Variants in STOX2 observed in about 807,000 individuals in gnomAD.
The protein encoded by STOX2 is storkhead box 2, also known as storkhead-box protein 2.
In STOX2, 28 loss-of-function variants were observed where a neutral mutation model predicts 60.9. That is an observed-to-expected ratio of 0.46 (90% CI 0.34 to 0.63). The LOEUF (loss-of-function observed/expected upper bound fraction) is 0.63. STOX2 is among the 30% of genes least tolerant of loss of function. STOX2 has a pLI of 0.01. For missense variants in STOX2, 1,024 were observed against 1,187.7 expected, an observed-to-expected ratio of 0.86 and a Z score of 2.03; for synonymous variants, 472 against 463.9, an observed-to-expected ratio of 1.02 and a Z score of -0.22.
intron 1 of STOX2, among the ~76,000 whole-genome samples, chr4:183,910,827 G>T (rs1044695172): frequency 5.3e-5 from 8 of 152,214 alleles, no homozygotes; most frequent in African/African-American, 1.9e-4. Flanking sequence ...AGTTTTGTCT[G>T]CTGGGGAAGA....
chr4:183,876,873 T>A (rs13134353), intron 1 of STOX2, among the ~76,000 whole-genome samples: 1 of 151,972 alleles, frequency 6.6e-6, no homozygotes, highest in South Asian at 2.1e-4. Context: ...CCATTGTGAG[T>A]GCGAATGGAG....
At chr4:183,948,603 C>T (rs1164975464) in intron 1 of STOX2, among the ~76,000 whole-genome samples, 4 of 118,878 alleles carry the variant, frequency 3.4e-5, no homozygotes, top group African/African-American at 1.2e-4. Flanking sequence ...GCGATCTTGG[C>T]TCACTGCAAC....
intron 1 of STOX2, among the ~76,000 whole-genome samples, chr4:183,895,310 G>T (rs1204801334): frequency 1.3e-5 from 2 of 152,142 alleles, no homozygotes; most frequent in Non-Finnish European, 2.9e-5. Context: ...GGATATGAGG[G>T]ACATGAAGTA....
intron 1 of STOX2, among the ~76,000 whole-genome samples, chr4:183,810,274 G>GTATC (rs1187566480): frequency 1.3e-5 from 2 of 152,164 alleles, no homozygotes; most frequent in Non-Finnish European, 2.9e-5. Flanking sequence ...CCTTCATTGT[G>GTATC]TATCTGGACC....
intron 1 of STOX2, among the ~76,000 whole-genome samples, chr4:183,994,855 T>C (rs976333910): frequency 3.3e-5 from 5 of 151,936 alleles, no homozygotes; most frequent in African/African-American, 1.2e-4. Flanking sequence ...ACCCAGAGAA[T>C]AGATTACATT....
intron 1 of STOX2, among the ~76,000 whole-genome samples, chr4:183,975,696 A>G (rs1403990763): frequency 1.3e-5 from 2 of 152,192 alleles, no homozygotes; most frequent in African/African-American, 2.4e-5. Context: ...AACCTAAAAA[A>G]CTACAGGTTT....
chr4:183,858,334 G>T (rs1740351100), intron 1 of STOX2, among the ~76,000 whole-genome samples: 1 of 152,246 alleles, frequency 6.6e-6, no homozygotes, highest in African/African-American at 2.4e-5. Flanking sequence ...GCAAGCCTGG[G>T]AGTCCCACTA....
chr4:183,845,824 A>G (rs1739971420), intron 1 of STOX2, among the ~76,000 whole-genome samples: 2 of 152,376 alleles, frequency 1.3e-5, no homozygotes, highest in East Asian at 1.9e-4. Context: ...TAAATCTTAC[A>G]GAAAAAAGGA....
intron 1 of STOX2, among the ~76,000 whole-genome samples, chr4:183,835,068 A>G (rs994887946): frequency 4.6e-5 from 7 of 151,966 alleles, no homozygotes; most frequent in African/African-American, 1.7e-4. Context: ...CATAGGTGAG[A>G]TTGAATTCTA....
chr4:184,011,107 T>A lies in STOX2; in HGVS notation c.2269T>A (p.Ser757Thr). 6.3e-7 allele frequency: 1 copy of A among 1,590,702 alleles called. No homozygotes were observed. The highest frequency in any genetic ancestry group is 8.5e-7 in the Non-Finnish European group (1 of 1,169,946). ...GTSAAQAMPASQRQQESGGNQ... is the reference protein window; with the variant it reads ...GTSAAQAMPATQRQQESGGNQ... ...CTCGGCGGCACAAGCCATGCCTGCT[T>A]CCCAGCGTCAGCAGGAGTCAGGAGG... Residue 757 changes from serine (S) to threonine (T), a missense_variant, in exon 3 of 4, where the codon TCC (serine) becomes ACC (threonine). This residue lies in a region of STOX2 where 922 missense variants were observed against 1,058.3 expected (regional missense o/e 0.87). Transcript: ENST00000308497. The surrounding 1 kb of genome is among the most constrained non-coding windows in gnomAD (Gnocchi z 4.4).
chr4:183,854,448 G>A (rs1289185483), intron 1 of STOX2, among the ~76,000 whole-genome samples: 1 of 152,114 alleles, frequency 6.6e-6, no homozygotes, highest in African/African-American at 2.4e-5. Context: ...TTTAATCAGG[G>A]CTTATATTTG....
chr4:183,831,065 C>T (rs545704742), intron 1 of STOX2, among the ~76,000 whole-genome samples: 5 of 151,536 alleles, frequency 3.3e-5, no homozygotes, highest in African/African-American at 1.2e-4. Context: ...GACCGAACTC[C>T]GGGCCTGAGC....
In STOX2 at chr4:184,010,286, G is replaced by A. The variant is rs751894934; in HGVS notation, c.1448G>A (p.Arg483Lys). 1.3e-6 allele frequency: 2 copies of A among 1,590,196 alleles called. No individual in the cohort carries two copies. The highest frequency in any genetic ancestry group is 1.7e-6 in the Non-Finnish European group (2 of 1,168,362). The change falls in exon 3 of 4, where the codon AGA becomes AAA. Residue 483 changes from arginine to lysine, a missense_variant. By Grantham distance (26) the Arg-to-Lys change is conservative. Around this residue, in one of 3 missense-constraint regions of STOX2, gnomAD observed 922 missense variants for 1,058.3 expected, o/e 0.87. Transcript: ENST00000308497. The surrounding 1 kb of genome is among the most constrained non-coding windows in gnomAD (Gnocchi z 4.5). ...CAGGACCGGAGGTCCAGGAATGAGA[G>A]ATCCAACAAAGCCAAGGAGAGATCC... ...HTQDRRSRNE[R>K]SNKAKERSRS...
Position 184,017,161 on chromosome 4 carries a change from C to T in STOX2, c.2658C>T (p.Ser886=), listed in dbSNP as rs1379253761. Reference sequence around the variant, plus strand: ...ACCGTCGTCAGAACCCCGCTTTGAGCCCGGCCCATGGTGGAGCTGGTCCAG... The same window carrying T: ...ACCGTCGTCAGAACCCCGCTTTGAGTCCGGCCCATGGTGGAGCTGGTCCAG... The part of the protein sequence containing the change: ...ESNRRQNPAL[S]PAHGGAGPAF... The change falls in exon 4 of 4, where the codon AGC becomes AGT. Residue 886 remains serine (S), a synonymous_variant. Transcript: ENST00000308497. 1 of 1,613,742 alleles carries T rather than the reference C, an allele frequency of 6.2e-7. No homozygotes were observed. Among genetic ancestry groups the T allele is most frequent in the Admixed American group, 1.7e-5 (1 of 60,016 alleles).
At chr4:184,004,215 T>C (rs1265087804) in intron 2 of STOX2, among the ~76,000 whole-genome samples, 2 of 152,234 alleles carry the variant, frequency 1.3e-5, no homozygotes, top group African/African-American at 2.4e-5. Context: ...ATGTATATTT[T>C]ATAAATCAAA....
Position 184,019,640 on chromosome 4 carries a change from A to G in STOX2, c.*2356A>G, listed in dbSNP as rs1340279324. The G allele has an allele frequency of 6.6e-6, 1 of 152,246 alleles. No individual in the cohort carries two copies. The highest frequency in any genetic ancestry group is 1.5e-5 in the Non-Finnish European group (1 of 68,044). The allele number at this position is 152,246 out of a possible 1,614,324, so 9.4% of individuals were successfully genotyped here. A position where few individuals can be genotyped will look rare whatever the true frequency, so the allele number is the denominator to read the frequency against. ...GAAGACATTATTCAAATAAATATGT[A>G]CACTATTTGCCTGATGCTATGGGGT... On this transcript the variant is annotated 3_prime_UTR_variant, in exon 4 of 4. Coordinates refer to ENST00000308497, the MANE Select transcript of STOX2 (RefSeq NM_020225.3).
chr4:183,886,875 G>C (rs968515851), intron 1 of STOX2, among the ~76,000 whole-genome samples: 2 of 152,052 alleles, frequency 1.3e-5, no homozygotes, highest in African/African-American at 2.4e-5. Flanking sequence ...TTCTACACAC[G>C]AAGAATAATG....
chr4:183,895,312 C>T (rs1741316262), intron 1 of STOX2, among the ~76,000 whole-genome samples: 1 of 152,166 alleles, frequency 6.6e-6, no homozygotes, highest in Non-Finnish European at 1.5e-5. Flanking sequence ...ATATGAGGGA[C>T]ATGAAGTAGA....
rs1188504666 is a variant in STOX2 at position 184,010,269 on chromosome 4, G to C, written c.1431G>C (p.Arg477=). Reference sequence around the variant, plus strand: ...GAAGCCACAGCCATACACAGGACCGGAGGTCCAGGAATGAGAGATCCAACA... The same window carrying C: ...GAAGCCACAGCCATACACAGGACCGCAGGTCCAGGAATGAGAGATCCAACA... The part of the protein sequence containing the change: ...VHRSHSHTQD[R]RSRNERSNKA... The change falls in exon 3 of 4, where the codon CGG becomes CGC. Residue 477 remains arginine, a synonymous_variant. Transcript: ENST00000308497. The surrounding 1 kb of genome is among the most constrained non-coding windows in gnomAD (Gnocchi z 4.5). The C allele has an allele frequency of 1.9e-6, 3 of 1,578,748 alleles. No individual in the cohort carries two copies. The highest frequency in any genetic ancestry group is 1.4e-5 in the African/African-American group (1 of 73,922).
Sources: gnomAD v4.1 joint callset for allele counts (sites outside exome capture counted in the v4.1 genomes callset) on GRCh38, gnomAD v4.1.1 for gene constraint, gnomAD v4.1.1 regional missense constraint, Gnocchi (gnomAD v3.1) non-coding constraint, MANE v1.5 for transcripts, NCBI Gene and HGNC (gene_info 2026-07-23, HGNC 2026-07-21) for gene names.